RBM27: variants seen among roughly 807,000 people sequenced by gnomAD.
RBM27 encodes RNA binding motif protein 27.
A neutral mutation model predicts 135.3 loss-of-function variants in RBM27; 22 were observed. The ratio of observed to expected loss-of-function variants is 0.16; its 90% CI spans 0.12 to 0.23. The LOEUF (loss-of-function observed/expected upper bound fraction) is 0.23, where lower values mean the gene tolerates loss of function less well. RBM27 is among the 10% of genes least tolerant of loss of function. RBM27 has a pLI of 1.00. For synonymous variants in RBM27, 481 were observed against 442.4 expected, an observed-to-expected ratio of 1.09 and a Z score of -1.10; for missense variants, 1,009 against 1,281.0, an observed-to-expected ratio of 0.79 and a Z score of 3.24.
intron 8 of RBM27, among the ~76,000 whole-genome samples, chr5:146,251,329 T>G (rs1423701786): frequency 6.6e-6 from 1 of 152,108 alleles, no homozygotes; most frequent in Non-Finnish European, 1.5e-5. Flanking sequence ...GATATGACAG[T>G]TTTCATACCT....
intron 19 of RBM27, 117 bp from the exon 20 acceptor site, chr5:146,284,505 C>T (rs1759503628): frequency 1.4e-6 from 1 of 707,288 alleles, no homozygotes; most frequent in Non-Finnish European, 2.5e-6. Flanking sequence ...GATTGTAGAT[C>T]CACCTTAACA....
intron 8 of RBM27, among the ~76,000 whole-genome samples, chr5:146,247,659 C>T (rs187205172): frequency 1.2e-3 from 184 of 152,176 alleles, no homozygotes; most frequent in African/African-American, 4.3e-3. Flanking sequence ...CCCTGTATTA[C>T]CTGTAAATTT....
At position 146,285,948 on chromosome 5, in the gene RBM27, A is replaced by G. The variant is rs763056151; in HGVS notation, c.3101A>G (p.Glu1034Gly). Residue 1034 changes from glutamate (E) to glycine (G), a missense_variant and splice_region_variant, in exon 21 of 21, where the codon GAA becomes GGA. Physicochemically the swap from Glu to Gly is moderately conservative, Grantham distance 98. Transcript: ENST00000265271. ...ETEEEEVKEE[E>G]TETSDLFLPD... ...AGATTTTAACCTCTCTTTCTTCAGG[A>G]AACAGAAACCTCAGATTTGTTTTTG... The G allele has an allele frequency of 1.2e-6, 2 of 1,611,526 alleles. No homozygotes were observed. Among genetic ancestry groups the G allele is most frequent in the Non-Finnish European group, 1.7e-6 (2 of 1,178,222 alleles).
chr5:146,254,415 A>G (rs890892772), intron 9 of RBM27, among the ~76,000 whole-genome samples: 4 of 150,854 alleles, frequency 2.7e-5, no homozygotes, highest in Admixed American at 1.4e-4. Context: ...ATATATCTAT[A>G]TTCTGTAATA....
intron 19 of RBM27, among the ~76,000 whole-genome samples, chr5:146,273,598 T>G (rs1758962629): frequency 6.6e-6 from 1 of 152,180 alleles, no homozygotes; most frequent in Admixed American, 6.5e-5. Flanking sequence ...ATAGTATGCT[T>G]TCTTTGAAAG....
intron 20 of RBM27, among the ~76,000 whole-genome samples, 155 bp from the exon 21 acceptor site, chr5:146,285,792 T>TG (rs956941648): frequency 2.9e-5 from 3 of 103,996 alleles, no homozygotes; most frequent in African/African-American, 1.9e-4. Context: ...TATTTTGGGC[T>TG]TTTTTTTTTT....
At chr5:146,249,683 C>CAAAAAAAAAAAAAAAAAAAAAAAAGTA (rs1209651197) in intron 8 of RBM27, among the ~76,000 whole-genome samples, 2 of 37,192 alleles carry the variant, frequency 5.4e-5, no homozygotes, top group Non-Finnish European at 5.7e-5. Flanking sequence ...GTGAGACTCT[C>CAAAAAAAAAAAAAAAAAAAAAAAAGTA]AAAAAAAAAA....
chr5:146,233,779 C>G (rs1309441096), intron 7 of RBM27, 36 bp downstream of exon 7: 5 of 1,344,656 alleles, frequency 3.7e-6, no homozygotes, highest in Admixed American at 5.7e-5. Flanking sequence ...CTCTAGCGTT[C>G]TGTTTAGAAG....
At chr5:146,218,957 A>C in intron 1 of RBM27, 28 bp from the exon 2 acceptor site, 1 of 1,471,068 alleles carries the variant, frequency 6.8e-7, no homozygotes, top group Non-Finnish European at 9.3e-7. Flanking sequence ...TGTTTTTTAA[A>C]ATTTTTGTTT....
chr5:146,254,898 C>T (rs1396450860), intron 9 of RBM27, 45 bp from the exon 10 acceptor site: 4 of 1,430,360 alleles, frequency 2.8e-6, no homozygotes, highest in South Asian at 1.3e-5. Context: ...ATGGTTTAAC[C>T]TCTCTCTGAT....
At chr5:146,282,388 A>T (rs1052070692) in intron 19 of RBM27, among the ~76,000 whole-genome samples, 10 of 152,058 alleles carry the variant, frequency 6.6e-5, no homozygotes, top group Non-Finnish European at 8.8e-5. Context: ...CATGTTTTTA[A>T]CTACACATGT....
At chr5:146,204,914 T>C (rs903906467) in intron 1 of RBM27, among the ~76,000 whole-genome samples, 1 of 152,190 alleles carries the variant, frequency 6.6e-6, no homozygotes, top group African/African-American at 2.4e-5. Context: ...CCTTTTTTTT[T>C]TGAAACAATG....
chr5:146,272,589 G>A (rs1051129657), intron 19 of RBM27, among the ~76,000 whole-genome samples: 1 of 152,078 alleles, frequency 6.6e-6, no homozygotes, highest in Non-Finnish European at 1.5e-5. Context: ...GGGTGTGGTG[G>A]TGTGCGCCTG....
At chr5:146,260,949 G>A (rs754741059) in intron 12 of RBM27, 51 bp downstream of exon 12, 1 of 1,523,592 alleles carries the variant, frequency 6.6e-7, no homozygotes, top group African/African-American at 1.4e-5. Context: ...TGGGTCTTGG[G>A]AATATTTCTA....
intron 5 of RBM27, 32 bp downstream of exon 5, chr5:146,229,942 G>A (rs777422300): frequency 1.2e-6 from 2 of 1,609,812 alleles, no homozygotes; most frequent in Non-Finnish European, 1.7e-6. Context: ...TAAAAACTCT[G>A]TAGTTATTTA....
intron 1 of RBM27, among the ~76,000 whole-genome samples, chr5:146,207,913 G>A (rs1755764832): frequency 6.7e-6 from 1 of 148,216 alleles, no homozygotes; most frequent in Non-Finnish European, 1.5e-5. Flanking sequence ...CCAAAGTGCT[G>A]GGATTACAGG....
intron 8 of RBM27, among the ~76,000 whole-genome samples, chr5:146,241,790 T>G (rs914304677): frequency 6.6e-6 from 1 of 152,144 alleles, no homozygotes; most frequent in Admixed American, 6.5e-5. Flanking sequence ...CTGGTAACGT[T>G]TCTAAGAAAA....
At chr5:146,255,119 T>A in intron 10 of RBM27, 27 bp downstream of exon 10, 1 of 1,590,982 alleles carries the variant, frequency 6.3e-7, no homozygotes, top group Non-Finnish European at 8.6e-7. Context: ...CTTTTTCTGA[T>A]GCTAAGTGTT....
At position 146,261,700 on chromosome 5, in the gene RBM27, T is replaced by G; in HGVS notation, c.2084T>G (p.Leu695Arg). 1 of 1,614,128 alleles carries G rather than the reference T, an allele frequency of 6.2e-7. No individual in the cohort carries two copies. The highest frequency in any genetic ancestry group is 1.1e-5 in the South Asian group (1 of 91,080). The part of the protein sequence containing the change: ...AQLLLQQQQT[L>R]SHLSQQHHHL... ...CTGCTCCTGCAACAACAGCAAACAC[T>G]TAGTCACCTCTCACAGCAGCACCAT... Residue 695 changes from leucine to arginine, a missense_variant, in exon 13 of 21, where the codon CTT becomes CGT. Coordinates refer to ENST00000265271, the MANE Select transcript of RBM27 (RefSeq NM_018989.2).
Sources: allele counts gnomAD v4.1 joint callset (sites outside exome capture counted in the v4.1 genomes callset), GRCh38; gene constraint gnomAD v4.1.1; transcripts MANE v1.5; gene names NCBI Gene and HGNC (gene_info 2026-07-23, HGNC 2026-07-21).